The following NPAS3 variants were observed in gnomAD, a reference collection of about 807,000 sequenced individuals.
The protein encoded by NPAS3 is neuronal PAS domain-containing protein 3.
NPAS3 carries 14 observed loss-of-function variants against 73.1 expected under a neutral mutation model. The observed-to-expected ratio is 0.19, with a 90% CI of 0.13 to 0.30. The LOEUF is 0.30. Ranked by LOEUF, NPAS3 falls within the 10% of genes least tolerant of loss-of-function variation. The probability of loss-of-function intolerance (pLI) is 1.00; values close to 1 mark genes in which losing one functional copy is unlikely to be tolerated. For missense variants in NPAS3, 1,096 were observed against 1,250.0 expected, an observed-to-expected ratio of 0.88 and a Z score of 1.86; for synonymous variants, 620 against 541.5, an observed-to-expected ratio of 1.14 and a Z score of -2.01.
intron 2 of NPAS3, among the ~76,000 whole-genome samples, chr14:33,199,099 C>T (rs899084905): frequency 2.0e-5 from 3 of 152,172 alleles, no homozygotes; most frequent in Admixed American, 2.0e-4. Flanking sequence ...CGTGTGCAGC[C>T]CTGGTTCCTG....
intron 4 of NPAS3, among the ~76,000 whole-genome samples, chr14:33,537,070 G>C (rs1403978233): frequency 6.6e-6 from 1 of 152,080 alleles, no homozygotes; most frequent in Non-Finnish European, 1.5e-5. Flanking sequence ...AAAATCCCTA[G>C]AAGTTAATAT....
chr14:33,235,892 G>A (rs1333027071), intron 3 of NPAS3, among the ~76,000 whole-genome samples: 2 of 138,306 alleles, frequency 1.4e-5, no homozygotes, highest in African/African-American at 5.3e-5. Context: ...GGACTCAAGC[G>A]ATCCTCCTAC....
chr14:33,531,775 G>A (rs2054055122), intron 4 of NPAS3, among the ~76,000 whole-genome samples: 1 of 152,092 alleles, frequency 6.6e-6, no homozygotes, highest in Non-Finnish European at 1.5e-5. Flanking sequence ...TTCCAGAGGG[G>A]CTGTACCATT....
intron 2 of NPAS3, among the ~76,000 whole-genome samples, chr14:33,197,363 C>A (rs149386523): frequency 6.6e-6 from 1 of 151,960 alleles, no homozygotes; most frequent in African/African-American, 2.4e-5. Context: ...CTCTTGCTCC[C>A]ACCTGCTGTG....
intron 4 of NPAS3, among the ~76,000 whole-genome samples, chr14:33,390,340 C>T (rs1424703492): frequency 2.0e-5 from 3 of 151,980 alleles, no homozygotes; most frequent in African/African-American, 7.3e-5. Context: ...AGAGTGCTGC[C>T]TCCCTGCCAA....
At chr14:33,138,808 A>G (rs1010585542) in intron 2 of NPAS3, among the ~76,000 whole-genome samples, 17 of 152,222 alleles carry the variant, frequency 1.1e-4, no homozygotes, top group African/African-American at 4.1e-4. Flanking sequence ...TCTTTGAGTG[A>G]TAGGGTTATA....
chr14:33,522,196 G>T (rs916846871), intron 4 of NPAS3, among the ~76,000 whole-genome samples: 2 of 152,142 alleles, frequency 1.3e-5, no homozygotes, highest in African/African-American at 4.8e-5. Flanking sequence ...TTGTTTAGAG[G>T]ACAGTTTCTT....
chr14:33,514,120 A>G (rs1430582074), intron 4 of NPAS3, among the ~76,000 whole-genome samples: 2 of 152,008 alleles, frequency 1.3e-5, no homozygotes, highest in African/African-American at 4.8e-5. Context: ...TTGCAGTACA[A>G]TTTTGTCCAT....
downstream of NPAS3, chr14:33,803,704 C>T (rs1438599946): frequency 4.3e-5 from 2 of 46,168 alleles, no homozygotes; most frequent in Admixed American, 3.5e-4. Flanking sequence ...TTGAAAATTA[C>T]AAAATGAAAA....
intron 3 of NPAS3, among the ~76,000 whole-genome samples, chr14:33,288,918 C>T (rs547995054): frequency 1.3e-5 from 2 of 152,158 alleles, no homozygotes; most frequent in East Asian, 3.9e-4. Context: ...TCATGAGATT[C>T]CAATTAGCAC....
intron 6 of NPAS3, among the ~76,000 whole-genome samples, chr14:33,724,045 T>TA (rs2061193164): frequency 6.6e-6 from 1 of 152,138 alleles, no homozygotes; most frequent in Non-Finnish European, 1.5e-5. Flanking sequence ...AAATACCTGT[T>TA]AAAAAATTTG....
At chr14:33,650,038 G>A (rs573534589) in intron 5 of NPAS3, among the ~76,000 whole-genome samples, 35 of 152,308 alleles carry the variant, frequency 2.3e-4, no homozygotes, top group Non-Finnish European at 4.0e-4. Context: ...CCCTGGCCCC[G>A]TCCCAGGACA....
At chr14:33,640,187 CCT>C (rs772349389) in intron 5 of NPAS3, among the ~76,000 whole-genome samples, 10 of 144,334 alleles carry the variant, frequency 6.9e-5, no homozygotes, top group Non-Finnish European at 1.3e-4. Context: ...AGCGAGACCC[CCT>C]GTTGAAAAAA....
At chr14:33,561,629 A>T (rs1190892249) in intron 5 of NPAS3, among the ~76,000 whole-genome samples, 1 of 152,198 alleles carries the variant, frequency 6.6e-6, no homozygotes, top group South Asian at 2.1e-4. Context: ...AGTATTGAGA[A>T]TCTTCAATTT....
chr14:33,401,447 G>T (rs1220412616), intron 4 of NPAS3, among the ~76,000 whole-genome samples: 1 of 151,960 alleles, frequency 6.6e-6, no homozygotes. Flanking sequence ...TAATTTGGTG[G>T]GTCCTTTTCT....
chr14:33,258,630 G>C (rs1429130969), intron 3 of NPAS3, among the ~76,000 whole-genome samples: 1 of 152,176 alleles, frequency 6.6e-6, no homozygotes, highest in Non-Finnish European at 1.5e-5. Flanking sequence ...TAATTGCTTT[G>C]ATGTTGTGAG....
intron 2 of NPAS3, among the ~76,000 whole-genome samples, chr14:33,097,027 G>C (rs1368032530): frequency 6.6e-6 from 1 of 151,946 alleles, no homozygotes; most frequent in East Asian, 1.9e-4. Context: ...AACAGCACCA[G>C]TACCATGGAA....
intron 2 of NPAS3, among the ~76,000 whole-genome samples, chr14:33,112,472 T>G (rs1292008): frequency 0.99 from 150,918 of 152,282 alleles, 74,784 homozygotes; most frequent in Middle Eastern, 1. Context: ...TGTCTTCTTT[T>G]GAGAAGTGTC....
In NPAS3 at chr14:33,000,329, C is replaced by T. The variant is rs17099819; in HGVS notation, c.51-55576C>T. Among the ~76,000 whole-genome samples, 510 of 152,176 alleles carry T rather than the reference C, an allele frequency of 3.4e-3. 2 individuals carry two copies. Among genetic ancestry groups the T allele is most frequent in the African/African-American group, 0.012 (482 of 41,528 alleles). On this transcript the variant is annotated intron_variant, in intron 1 of 11. Transcript: ENST00000356141. ...TAGAAAGTATTTCAGGCTCAAATGC[C>T]GACTAAGTGTGGCAGGTTGTTTAGC...
Sources: gnomAD v4.1 joint callset for allele counts (sites outside exome capture counted in the v4.1 genomes callset) on GRCh38, gnomAD v4.1.1 for gene constraint, MANE v1.5 for transcripts, NCBI Gene and HGNC (gene_info 2026-07-23, HGNC 2026-07-21) for gene names.